Variants in FBXL20 observed in about 807,000 individuals in gnomAD.
FBXL20 encodes the protein F-box and leucine rich repeat protein 20, also known as F-box/LRR-repeat protein 20.
Under a neutral mutation model 64.0 loss-of-function variants are expected in FBXL20, and 11 were observed. The ratio of observed to expected loss-of-function variants is 0.17; its 90% CI spans 0.11 to 0.28. The LOEUF (loss-of-function observed/expected upper bound fraction) is 0.28. Among genes scored for constraint, FBXL20 ranks in the 10% least tolerant of loss-of-function variants. FBXL20 has a pLI of 1.00. For synonymous variants in FBXL20, 184 were observed against 189.0 expected (o/e 0.97, Z 0.22); for missense variants, 303 against 526.2 (o/e 0.58, Z 4.15).
At chr17:39,262,127 G>T (rs2046752134) in intron 14 of FBXL20, among the ~76,000 whole-genome samples, 1 of 151,628 alleles carries the variant, frequency 6.6e-6, no homozygotes, top group Non-Finnish European at 1.5e-5. Flanking sequence ...CTTTGGTGAA[G>T]AAAAAAAATG....
At chr17:39,355,464 T>C (rs2047726805) in intron 1 of FBXL20, among the ~76,000 whole-genome samples, 1 of 152,196 alleles carries the variant, frequency 6.6e-6, no homozygotes, top group Non-Finnish European at 1.5e-5. Context: ...CCAGACTGTG[T>C]TTTCTACTTC....
chr17:39,301,103 A>G, intron 3 of FBXL20, 28 bp from the exon 4 acceptor site: 2 of 1,599,244 alleles, frequency 1.3e-6, no homozygotes, highest in Non-Finnish European at 1.7e-6. Context: ...AGACAGAATG[A>G]GCAGAAGCTA....
intron 1 of FBXL20, among the ~76,000 whole-genome samples, chr17:39,397,068 G>A (rs796624052): frequency 3.3e-4 from 50 of 152,204 alleles, no homozygotes; most frequent in African/African-American, 1.1e-3. Context: ...GTTTGAGACA[G>A]GTCCAGGTAA....
chr17:39,338,153 G>A (rs1269780454), intron 2 of FBXL20, among the ~76,000 whole-genome samples: 10 of 152,350 alleles, frequency 6.6e-5, no homozygotes, highest in Non-Finnish European at 1.2e-4. Context: ...CTGTGTAGAA[G>A]GAAGTAGACA....
chr17:39,397,881 C>A (rs2048199005), intron 1 of FBXL20, among the ~76,000 whole-genome samples: 2 of 151,430 alleles, frequency 1.3e-5, no homozygotes, highest in Admixed American at 1.3e-4. Flanking sequence ...AGATTGGAAT[C>A]CTGGTTCCCC....
intron 2 of FBXL20, among the ~76,000 whole-genome samples, chr17:39,325,111 G>A (rs970010821): frequency 2.0e-5 from 3 of 152,172 alleles, no homozygotes; most frequent in Admixed American, 6.6e-5. Flanking sequence ...AGGAGGCTGA[G>A]GTGAGAGGAT....
rs2046683299 is a variant in FBXL20 at position 39,255,137 on chromosome 17, A to G, written c.*6323T>C. The stretch of plus-strand genomic sequence containing the variant: ...TCAGAGACACTGAATTGATGCGTCT[A>G]AAAAAAATAGATACAACGGGCCGGG... On this transcript the variant is annotated 3_prime_UTR_variant, in exon 15 of 15. Coordinates refer to ENST00000264658, the MANE Select transcript of FBXL20 (RefSeq NM_032875.3). The G allele has an allele frequency of 6.6e-6, 1 of 151,986 alleles. No individual in the cohort carries two copies. The highest frequency in any genetic ancestry group is 6.6e-5 in the Admixed American group (1 of 15,236). The allele number at this position is 151,986 out of a possible 1,614,324, so 9.4% of individuals were successfully genotyped here.
chr17:39,343,815 T>A (rs2144573555), intron 1 of FBXL20, among the ~76,000 whole-genome samples: 1 of 151,758 alleles, frequency 6.6e-6, no homozygotes, highest in South Asian at 2.1e-4. Flanking sequence ...CCTGCTTCAG[T>A]CTCCTGGGTA....
chr17:39,265,527 T>G, intron 12 of FBXL20, 74 bp from the exon 13 acceptor site: 1 of 1,144,548 alleles, frequency 8.7e-7, no homozygotes, highest in Non-Finnish European at 1.3e-6. Flanking sequence ...TTCTTTTTTC[T>G]TTTAGTCTTG....
chr17:39,393,284 T>A (rs1298844273), intron 1 of FBXL20, among the ~76,000 whole-genome samples: 2 of 151,214 alleles, frequency 1.3e-5, no homozygotes, highest in African/African-American at 4.9e-5. Context: ...AGCGAAACTG[T>A]CTCAGGAAAA....
At chr17:39,312,292 C>G in intron 2 of FBXL20, among the ~76,000 whole-genome samples, 1 of 151,494 alleles carries the variant, frequency 6.6e-6, no homozygotes, top group African/African-American at 2.4e-5. Context: ...GCAGGCACCT[C>G]TAATCACAGC....
rs2046705838 is a variant in FBXL20, at chr17:39,257,485, A to T, written c.*3975T>A. On this transcript the variant is annotated 3_prime_UTR_variant, in exon 15 of 15. Coordinates refer to ENST00000264658, the MANE Select transcript of FBXL20 (RefSeq NM_032875.3). ...AATTTGCAAAAGCTACTTAAGGAAT[A>T]CTTTTACCTTCAGTAAAGACAAGAG... 1.3e-5 allele frequency: 2 copies of T among 152,236 alleles called. No individual in the cohort carries two copies. The highest frequency in any genetic ancestry group is 2.9e-5 in the Non-Finnish European group (2 of 68,034). 9.4% of individuals were successfully genotyped at this position (152,236 alleles called of 1,614,324 possible). A position where few individuals can be genotyped will look rare whatever the true frequency, so the allele number is the denominator to read the frequency against.
intron 2 of FBXL20, among the ~76,000 whole-genome samples, chr17:39,320,350 A>AT (rs1274711220): frequency 6.6e-6 from 1 of 152,122 alleles, no homozygotes; most frequent in Non-Finnish European, 1.5e-5. Flanking sequence ...GTGGATCTCT[A>AT]TTTGATCATA....
At position 39,377,497 on chromosome 17, in the gene FBXL20, TTTG is replaced by T. The variant is rs887827108; in HGVS notation, c.42+23861_42+23863del. On this transcript the variant is annotated intron_variant, in intron 1 of 14. Transcript: ENST00000264658. ...TTTCTCTATTGCAATTCCTGTCTTT[TTTG>T]TTGTTGTTTTTTTTTTTTGAGACGG... Among the ~76,000 whole-genome samples, 15 of 146,822 alleles carry T rather than the reference TTTG, an allele frequency of 1.0e-4. No individual in the cohort carries two copies. In the South Asian group the frequency reaches 1.3e-3, roughly 12 times the overall value.
At chr17:39,263,661 C>T (rs577007309) in intron 14 of FBXL20, among the ~76,000 whole-genome samples, 3 of 152,306 alleles carry the variant, frequency 2.0e-5, no homozygotes, top group African/African-American at 7.2e-5. Context: ...CACTGCACTC[C>T]TGCCTGGGCA....
intron 1 of FBXL20, among the ~76,000 whole-genome samples, chr17:39,377,510 T>G (rs1192133235): frequency 6.6e-6 from 1 of 151,692 alleles, no homozygotes; most frequent in African/African-American, 2.4e-5. Flanking sequence ...GTTGTTGTTT[T>G]TTTTTTTTGA....
chr17:39,335,833 A>G (rs2047516239), intron 2 of FBXL20, among the ~76,000 whole-genome samples: 1 of 152,116 alleles, frequency 6.6e-6, no homozygotes, highest in Non-Finnish European at 1.5e-5. Flanking sequence ...TAGGGAAGGA[A>G]GAGAATCAGT....
At chr17:39,270,882 G>T in intron 10 of FBXL20, 26 bp from the exon 11 acceptor site, 2 of 1,452,444 alleles carry the variant, frequency 1.4e-6, no homozygotes, top group Non-Finnish European at 9.4e-7. Flanking sequence ...AAAAAACAGT[G>T]AAAGTCAAGC....
intron 1 of FBXL20, among the ~76,000 whole-genome samples, chr17:39,344,431 C>CTG (rs1882870729): frequency 6.6e-6 from 1 of 151,792 alleles, no homozygotes; most frequent in Non-Finnish European, 1.5e-5. Flanking sequence ...GAGAAGATGA[C>CTG]TCCCCAAACT....
Sources: allele counts gnomAD v4.1 joint callset (sites outside exome capture counted in the v4.1 genomes callset), GRCh38; gene constraint gnomAD v4.1.1; transcripts MANE v1.5; gene names NCBI Gene and HGNC (gene_info 2026-07-23, HGNC 2026-07-21).